The following ARFGEF1 variants were observed in gnomAD, a reference collection of about 807,000 sequenced individuals.
ARFGEF1 encodes ARF guanine nucleotide exchange factor 1, also known as brefeldin A-inhibited guanine nucleotide-exchange protein 1.
In ARFGEF1, 42 loss-of-function variants were observed where a neutral mutation model predicts 231.0. That is an observed-to-expected ratio of 0.18 (90% CI 0.14 to 0.24). ARFGEF1 has a LOEUF of 0.24. ARFGEF1 is among the 10% of genes least tolerant of loss of function. The pLI is 1.00. For missense variants in ARFGEF1, 1,345 were observed against 2,192.0 expected, an observed-to-expected ratio of 0.61 and a Z score of 7.72; for synonymous variants, 710 against 732.3, an observed-to-expected ratio of 0.97 and a Z score of 0.49.
intron 34 of ARFGEF1, among the ~76,000 whole-genome samples, chr8:67,208,981 T>C (rs1349335732): frequency 2.6e-5 from 4 of 152,236 alleles, no homozygotes; most frequent in Non-Finnish European, 5.9e-5. Flanking sequence ...CTGGAATTGC[T>C]GGTGGGAATG....
At chr8:67,186,921 A>G (rs1286043956) in intron 5 of ARFGEF1, among the ~76,000 whole-genome samples, 1 of 152,150 alleles carries the variant, frequency 6.6e-6, no homozygotes, top group African/African-American at 2.4e-5. Context: ...ACACAATACC[A>G]CTTACATTAG....
intron 1 of ARFGEF1, among the ~76,000 whole-genome samples, chr8:67,322,585 T>C (rs1252096865): frequency 2.6e-5 from 4 of 152,050 alleles, no homozygotes; most frequent in Non-Finnish European, 5.9e-5. Context: ...ACTATAGTCC[T>C]AGCTACTAGG....
At chr8:67,246,753 G>C (rs1415915117) in intron 19 of ARFGEF1, among the ~76,000 whole-genome samples, 1 of 149,886 alleles carries the variant, frequency 6.7e-6, no homozygotes, top group East Asian at 1.9e-4. Flanking sequence ...ATAAAGATCA[G>C]AGCACAAATG....
At chr8:67,187,079 T>C (rs932690670) in intron 5 of ARFGEF1, among the ~76,000 whole-genome samples, 6 of 152,130 alleles carry the variant, frequency 3.9e-5, no homozygotes, top group Admixed American at 3.3e-4. Context: ...GACTACTAAA[T>C]AAATGGAGAT....
intron 7 of ARFGEF1, among the ~76,000 whole-genome samples, chr8:67,281,389 C>T (rs1003890430): frequency 6.6e-6 from 1 of 151,968 alleles, no homozygotes; most frequent in Non-Finnish European, 1.5e-5. Context: ...AAAATTCATA[C>T]CCATGCACAC....
At chr8:67,267,492 G>C in intron 10 of ARFGEF1, 50 bp from the exon 11 acceptor site, 1 of 1,225,160 alleles carries the variant, frequency 8.2e-7, no homozygotes, top group Non-Finnish European at 1.2e-6. Context: ...GAATTCATAT[G>C]TGTGATCACT....
At chr8:67,200,329 T>C (rs544060524) in intron 38 of ARFGEF1, 67 bp downstream of exon 38, 6 of 1,167,806 alleles carry the variant, frequency 5.1e-6, no homozygotes, top group Non-Finnish European at 7.7e-6. Flanking sequence ...ACGGCGGCTC[T>C]GGGACCCCGC....
intron 22 of ARFGEF1, among the ~76,000 whole-genome samples, chr8:67,236,871 A>G (rs1167349111): frequency 6.6e-6 from 1 of 152,176 alleles, no homozygotes; most frequent in Non-Finnish European, 1.5e-5. Context: ...TATCCTTGCA[A>G]CCTAAGTAGC....
intron 1 of ARFGEF1, among the ~76,000 whole-genome samples, chr8:67,335,082 G>C: frequency 6.6e-6 from 1 of 151,162 alleles, no homozygotes; most frequent in East Asian, 1.9e-4. Context: ...TTTATCTTCA[G>C]CTAAGAGTAT....
At chr8:67,288,522 G>A (rs1357469813) in intron 6 of ARFGEF1, among the ~76,000 whole-genome samples, 1 of 152,040 alleles carries the variant, frequency 6.6e-6, no homozygotes, top group Admixed American at 6.6e-5. Flanking sequence ...CACCTGAGGT[G>A]GGGAGTTGGA....
chr8:67,206,641 C>T (rs1478176495), intron 34 of ARFGEF1, among the ~76,000 whole-genome samples: 1 of 152,154 alleles, frequency 6.6e-6, no homozygotes, highest in Non-Finnish European at 1.5e-5. Context: ...AGTAGCTAAG[C>T]CAATGCAGCA....
chr8:67,322,190 A>G (rs1232257419), intron 1 of ARFGEF1, among the ~76,000 whole-genome samples: 1 of 152,158 alleles, frequency 6.6e-6, no homozygotes, highest in Non-Finnish European at 1.5e-5. Flanking sequence ...TGGTTTTCCA[A>G]CCATCCTTAC....
chr8:67,325,457 C>T (rs1293360405), intron 1 of ARFGEF1, among the ~76,000 whole-genome samples: 2 of 152,162 alleles, frequency 1.3e-5, no homozygotes, highest in African/African-American at 2.4e-5. Flanking sequence ...CAACCTCATG[C>T]TATGCTTACA....
chr8:67,223,339 A>T (rs1292819714), intron 29 of ARFGEF1, among the ~76,000 whole-genome samples: 1 of 152,088 alleles, frequency 6.6e-6, no homozygotes, highest in Non-Finnish European at 1.5e-5. Context: ...CATGAGCAGC[A>T]GGAACTAGAG....
intron 19 of ARFGEF1, among the ~76,000 whole-genome samples, chr8:67,249,832 G>C (rs1840220256): frequency 6.6e-6 from 1 of 152,160 alleles, no homozygotes; most frequent in South Asian, 2.1e-4. Context: ...TTGTTGGTCA[G>C]CCTGGTCTTG....
intron 1 of ARFGEF1, among the ~76,000 whole-genome samples, chr8:67,309,415 T>A (rs1417339024): frequency 1.3e-5 from 2 of 152,234 alleles, no homozygotes; most frequent in Non-Finnish European, 2.9e-5. Flanking sequence ...TTACATAGTA[T>A]GCAGACATTT....
chr8:67,301,307 C>T lies in ARFGEF1; in HGVS notation c.229G>A (p.Ala77Thr). The T allele has an allele frequency of 6.2e-7, 1 of 1,614,076 alleles. No homozygotes were observed. The highest frequency in any genetic ancestry group is 8.5e-7 in the Non-Finnish European group (1 of 1,180,000). ...TCAAAAGGCAAGAAGTACTTGTCTGCTTCAATAAAATTTGTCTTTGATTTC... is the reference window on the plus strand; with the variant it reads ...TCAAAAGGCAAGAAGTACTTGTCTGTTTCAATAAAATTTGTCTTTGATTTC... The part of the protein sequence containing the change: ...PVKSKTNFIE[A>T]DKYFLPFELA... The change falls in exon 3 of 39, where the codon GCA becomes ACA. Residue 77 changes from alanine to threonine, a missense_variant. This residue lies in a region of ARFGEF1 where 398 missense variants were observed against 463.2 expected (regional missense o/e 0.86). Transcript: ENST00000262215.
chr8:67,325,255 T>TG lies in ARFGEF1; in HGVS notation c.124+17908dup, dbSNP rs566730559. Among the ~76,000 whole-genome samples, 238 of 151,812 alleles carry TG rather than the reference T, an allele frequency of 1.6e-3. 2 individuals are homozygous for TG. Among genetic ancestry groups the TG allele is most frequent in the Admixed American group, 3.3e-3 (50 of 15,240 alleles). ...TTTTTTTTTAACAGAAAATGGCTAA[T>TG]GGGCATACCCCATATACTTAAACTA... On this transcript the variant is annotated intron_variant, in intron 1 of 38. Coordinates refer to ENST00000262215, the MANE Select transcript of ARFGEF1 (RefSeq NM_006421.5).
At chr8:67,341,927 G>A (rs1182397911) in intron 1 of ARFGEF1, among the ~76,000 whole-genome samples, 2 of 151,760 alleles carry the variant, frequency 1.3e-5, no homozygotes, top group Non-Finnish European at 2.9e-5. Context: ...AAATTTCTTC[G>A]ACGTTTTTCA....
Sources: gnomAD v4.1 joint callset for allele counts (sites outside exome capture counted in the v4.1 genomes callset) on GRCh38, gnomAD v4.1.1 for gene constraint, gnomAD v4.1.1 regional missense constraint, MANE v1.5 for transcripts, NCBI Gene and HGNC (gene_info 2026-07-23, HGNC 2026-07-21) for gene names.